The following HERC4 variants were observed in gnomAD, a reference collection of about 807,000 sequenced individuals.
HERC4 encodes the protein probable E3 ubiquitin-protein ligase HERC4.
HERC4 carries 28 observed loss-of-function variants against 124.3 expected under a neutral mutation model. That is an observed-to-expected ratio of 0.23 (90% CI 0.17 to 0.31). The LOEUF is 0.31. HERC4 is among the 10% of genes least tolerant of loss of function. The probability of loss-of-function intolerance (pLI) is 1.00; values close to 1 mark genes in which losing one functional copy is unlikely to be tolerated. For missense variants in HERC4, 713 were observed against 1,229.3 expected, an observed-to-expected ratio of 0.58 and a Z score of 6.28; for synonymous variants, 407 against 421.5, an observed-to-expected ratio of 0.97 and a Z score of 0.42.
intron 3 of HERC4, among the ~76,000 whole-genome samples, chr10:68,058,952 C>T (rs573182227): frequency 6.6e-6 from 1 of 152,044 alleles, no homozygotes; most frequent in South Asian, 2.1e-4. Flanking sequence ...TCTTTTCCCA[C>T]CTCTACACCA....
chr10:68,009,466 AT>A (rs371207066), intron 9 of HERC4, among the ~76,000 whole-genome samples: 214 of 152,186 alleles, frequency 1.4e-3, no homozygotes, highest in African/African-American at 4.9e-3. Context: ...TAAAAAAAAA[AT>A]CCATATACCT....
intron 4 of HERC4, chr10:68,040,346 T>C: frequency 1.1e-6 from 1 of 949,854 alleles, no homozygotes; most frequent in Non-Finnish European, 1.3e-6. Flanking sequence ...TTCATCTTCA[T>C]ATAAATGTAT....
chr10:68,046,534 G>C lies in HERC4; in HGVS notation c.227-1971C>G, dbSNP rs923692097. On this transcript the variant is annotated intron_variant, in intron 3 of 24. Transcript: ENST00000373700. ...CTTCTTGTGCTCCAAGCACTGGAGAGAGAGAGAGAATAAAATAAGCGTCCT... is the reference window on the plus strand; with the variant it reads ...CTTCTTGTGCTCCAAGCACTGGAGACAGAGAGAGAATAAAATAAGCGTCCT... Among the ~76,000 whole-genome samples the C allele has an allele frequency of 4.6e-5, 7 of 152,208 alleles. No individual in the cohort carries two copies. The East Asian group carries it at 5.8e-4, about 13-fold the overall frequency.
At chr10:68,023,225 G>A (rs1338102155) in intron 8 of HERC4, among the ~76,000 whole-genome samples, 1 of 152,092 alleles carries the variant, frequency 6.6e-6, no homozygotes, top group Non-Finnish European at 1.5e-5. Context: ...GGGTCCTGAA[G>A]GGATGTTTTT....
At chr10:67,954,893 C>T in intron 18 of HERC4, 70 bp downstream of exon 18, 2 of 1,434,574 alleles carry the variant, frequency 1.4e-6, no homozygotes, top group Non-Finnish European at 1.9e-6. Flanking sequence ...TCACTAAAAA[C>T]AAATAGGAAA....
At chr10:68,039,400 T>C (rs1375831533) in intron 4 of HERC4, 2 of 1,549,824 alleles carry the variant, frequency 1.3e-6, no homozygotes, top group African/African-American at 1.4e-5. Flanking sequence ...TCCCTTTACC[T>C]GATACTGTCA....
At chr10:67,944,806 C>T (rs1375169253) in intron 19 of HERC4, among the ~76,000 whole-genome samples, 2 of 152,128 alleles carry the variant, frequency 1.3e-5, no homozygotes, top group Admixed American at 1.3e-4. Context: ...AACTGACATG[C>T]TGAAGAATAA....
At chr10:68,022,353 G>A (rs2038674995) in intron 8 of HERC4, among the ~76,000 whole-genome samples, 1 of 151,998 alleles carries the variant, frequency 6.6e-6, no homozygotes, top group Non-Finnish European at 1.5e-5. Flanking sequence ...CACAAAATTA[G>A]TCGGGCAAGG....
At chr10:67,925,623 C>T (rs2131951991) in intron 23 of HERC4, among the ~76,000 whole-genome samples, 1 of 152,172 alleles carries the variant, frequency 6.6e-6, no homozygotes, top group East Asian at 1.9e-4. Flanking sequence ...TCCAAGATGG[C>T]CACCAGTGAG....
chr10:68,046,309 C>G (rs748300000), intron 3 of HERC4, among the ~76,000 whole-genome samples: 1 of 152,116 alleles, frequency 6.6e-6, no homozygotes, highest in Non-Finnish European at 1.5e-5. Flanking sequence ...GATAGGATGA[C>G]AAGACAGGTA....
chr10:67,973,175 C>T (rs1000127668), intron 15 of HERC4, among the ~76,000 whole-genome samples: 1 of 150,184 alleles, frequency 6.7e-6, no homozygotes, highest in Non-Finnish European at 1.5e-5. Context: ...AAATAAAAAT[C>T]AAAAAGGAAA....
At chr10:67,958,692 C>T (rs1390043492) in intron 16 of HERC4, among the ~76,000 whole-genome samples, 3 of 152,312 alleles carry the variant, frequency 2.0e-5, no homozygotes, top group South Asian at 2.1e-4. Context: ...TGTGACCATT[C>T]TGAGTATCAA....
At chr10:67,951,179 T>G (rs1012187548) in intron 19 of HERC4, among the ~76,000 whole-genome samples, 20 of 152,154 alleles carry the variant, frequency 1.3e-4, no homozygotes, top group African/African-American at 4.8e-4. Context: ...TAAAACTGAC[T>G]AAAGGGCAGA....
intron 19 of HERC4, among the ~76,000 whole-genome samples, chr10:67,951,935 A>T (rs1296564713): frequency 6.6e-6 from 1 of 152,188 alleles, no homozygotes; most frequent in Admixed American, 6.5e-5. Flanking sequence ...AATGCATACA[A>T]CACACTAGCC....
At chr10:67,984,289 G>A (rs1428611180) in intron 15 of HERC4, among the ~76,000 whole-genome samples, 3 of 143,926 alleles carry the variant, frequency 2.1e-5, no homozygotes, top group Admixed American at 6.9e-5. Context: ...ACGACAGAGT[G>A]AGACTCCATC....
intron 3 of HERC4, among the ~76,000 whole-genome samples, chr10:68,050,187 T>C (rs1364209496): frequency 2.0e-5 from 3 of 152,142 alleles, no homozygotes. Context: ...AGTGAGACCC[T>C]TTCTCAAAAA....
chr10:67,986,600 G>A (rs1049005649), intron 15 of HERC4, among the ~76,000 whole-genome samples: 20 of 151,944 alleles, frequency 1.3e-4, no homozygotes, highest in African/African-American at 3.9e-4. Flanking sequence ...CAAGTGATCC[G>A]CTCGCCTCAC....
At chr10:68,041,101 T>C (rs1449400137) in intron 4 of HERC4, among the ~76,000 whole-genome samples, 1 of 151,536 alleles carries the variant, frequency 6.6e-6, no homozygotes, top group East Asian at 1.9e-4. Context: ...TAGGCAGAAA[T>C]CAGGCATTGT....
chr10:68,061,997 G>C (rs1333301642), intron 3 of HERC4, among the ~76,000 whole-genome samples: 3 of 150,362 alleles, frequency 2.0e-5, no homozygotes, highest in African/African-American at 7.3e-5. Flanking sequence ...ATATCACCAT[G>C]TGCCTTAAGC....
Sources: allele counts gnomAD v4.1 joint callset (sites outside exome capture counted in the v4.1 genomes callset), GRCh38; gene constraint gnomAD v4.1.1; transcripts MANE v1.5; gene names NCBI Gene and HGNC (gene_info 2026-07-23, HGNC 2026-07-21).